Variants in ATP8B4 observed in about 807,000 individuals in gnomAD.
The protein encoded by ATP8B4 is ATPase phospholipid transporting 8B4 (putative).
Under a neutral mutation model 145.6 loss-of-function variants are expected in ATP8B4, and 133 were observed. That is an observed-to-expected ratio of 0.91 (90% CI 0.79 to 1.05). ATP8B4 has a LOEUF of 1.05. Ranked by LOEUF, ATP8B4 falls within the 50% of genes least tolerant of loss-of-function variation. The pLI is 0.00. For synonymous variants in ATP8B4, 507 were observed against 492.9 expected, an observed-to-expected ratio of 1.03 and a Z score of -0.38; for missense variants, 1,458 against 1,425.2, an observed-to-expected ratio of 1.02 and a Z score of -0.37.
At chr15:49,989,395 A>G (rs2046878096) in intron 9 of ATP8B4, among the ~76,000 whole-genome samples, 1 of 151,284 alleles carries the variant, frequency 6.6e-6, no homozygotes, top group South Asian at 2.1e-4. Context: ...CCCAAGACTC[A>G]ATTTCTCAGG....
intron 10 of ATP8B4, among the ~76,000 whole-genome samples, chr15:49,984,783 G>T (rs1439262018): frequency 6.6e-6 from 1 of 151,956 alleles, no homozygotes; most frequent in Non-Finnish European, 1.5e-5. Context: ...GGTAGAAAAA[G>T]GTGAGAGGAA....
At chr15:49,866,538 A>AT (rs2032818341) in intron 25 of ATP8B4, 54 bp from the exon 26 acceptor site, 1 of 1,589,740 alleles carries the variant, frequency 6.3e-7, no homozygotes. Flanking sequence ...AAACAGCATC[A>AT]TTTTACCTCG....
chr15:49,969,646 A>G (rs1303610637), intron 13 of ATP8B4, among the ~76,000 whole-genome samples: 1 of 152,188 alleles, frequency 6.6e-6, no homozygotes, highest in African/African-American at 2.4e-5. Flanking sequence ...CTACCAACAA[A>G]AAAAGCCCAA....
intron 14 of ATP8B4, among the ~76,000 whole-genome samples, chr15:49,954,001 G>A (rs2043331510): frequency 6.6e-6 from 1 of 152,200 alleles, no homozygotes; most frequent in Admixed American, 6.5e-5. Flanking sequence ...GGTCATGCCA[G>A]CCTTCTAGTC....
At chr15:49,888,132 T>C (rs183264215) in intron 23 of ATP8B4, among the ~76,000 whole-genome samples, 363 of 152,326 alleles carry the variant, frequency 2.4e-3, no homozygotes, top group Non-Finnish European at 3.7e-3. Context: ...TATTGATTTG[T>C]GTAATTAGTA....
At chr15:49,877,957 C>T (rs1461475295) in intron 24 of ATP8B4, among the ~76,000 whole-genome samples, 1 of 152,164 alleles carries the variant, frequency 6.6e-6, no homozygotes, top group East Asian at 1.9e-4. Flanking sequence ...AATGACTCTC[C>T]AAGGCTTGGT....
intron 3 of ATP8B4, among the ~76,000 whole-genome samples, chr15:50,061,627 A>G (rs1380151794): frequency 6.6e-6 from 1 of 152,208 alleles, no homozygotes; most frequent in Non-Finnish European, 1.5e-5. Context: ...ATACCCTGGA[A>G]GTACTTTTCA....
At chr15:49,969,479 G>A (rs2044881185) in intron 13 of ATP8B4, among the ~76,000 whole-genome samples, 1 of 152,114 alleles carries the variant, frequency 6.6e-6, no homozygotes, top group South Asian at 2.1e-4. Context: ...ACTACCATGA[G>A]ATAATACTAT....
chr15:49,995,926 C>T (rs1420931935), intron 9 of ATP8B4, among the ~76,000 whole-genome samples: 1 of 152,200 alleles, frequency 6.6e-6, no homozygotes. Context: ...TTTCCTTTGA[C>T]TCTTGAAGTA....
chr15:50,117,359 T>C (rs966268942), intron 1 of ATP8B4, among the ~76,000 whole-genome samples: 3 of 152,188 alleles, frequency 2.0e-5, no homozygotes, highest in African/African-American at 4.8e-5. Context: ...CAAACATACA[T>C]TAAGTTTAAT....
chr15:49,897,814 C>G (rs1346117280), intron 22 of ATP8B4, among the ~76,000 whole-genome samples: 1 of 152,194 alleles, frequency 6.6e-6, no homozygotes, highest in Non-Finnish European at 1.5e-5. Context: ...ACCGTAGCTA[C>G]TTACTTCCTC....
chr15:49,934,211 A>G (rs761196777), intron 14 of ATP8B4, 29 bp from the exon 15 acceptor site: 1 of 1,572,002 alleles, frequency 6.4e-7, no homozygotes, highest in Admixed American at 2.0e-5. Context: ...AACAAAAATA[A>G]CCAAAACCTC....
rs572283586 is a variant in ATP8B4, at chr15:49,938,488, C to T, written c.1288-4306G>A. Among the ~76,000 whole-genome samples, 4 of 152,040 alleles carry T rather than the reference C, an allele frequency of 2.6e-5. No individual in the cohort carries two copies. The East Asian group carries it at 7.7e-4, about 29-fold the overall frequency. On this transcript the variant is annotated intron_variant, in intron 14 of 27. Coordinates refer to ENST00000284509, the MANE Select transcript of ATP8B4 (RefSeq NM_024837.4). ...CTAACAGATGAAACACACTGTAAACCAATAACAGTAAAAAAACAAAGAAGG... is the reference window on the plus strand; with the variant it reads ...CTAACAGATGAAACACACTGTAAACTAATAACAGTAAAAAAACAAAGAAGG...
intron 6 of ATP8B4, among the ~76,000 whole-genome samples, chr15:50,017,441 A>G (rs930493266): frequency 6.6e-6 from 1 of 152,248 alleles, no homozygotes; most frequent in African/African-American, 2.4e-5. Context: ...TTGAAAAATC[A>G]GAGAATTCAC....
chr15:50,162,217 AC>A (rs1008422662), intron 1 of ATP8B4, among the ~76,000 whole-genome samples: 1 of 151,810 alleles, frequency 6.6e-6, no homozygotes, highest in African/African-American at 2.4e-5. Context: ...TTTATCCTTG[AC>A]CTTTGAAGTC....
At chr15:49,864,827 T>C (rs1396995185) in intron 26 of ATP8B4, among the ~76,000 whole-genome samples, 1 of 152,234 alleles carries the variant, frequency 6.6e-6, no homozygotes, top group Non-Finnish European at 1.5e-5. Context: ...GCTTTATATG[T>C]ATTATTTCAT....
intron 1 of ATP8B4, among the ~76,000 whole-genome samples, chr15:50,160,648 G>A (rs548222493): frequency 6.6e-6 from 1 of 151,470 alleles, no homozygotes; most frequent in East Asian, 1.9e-4. Context: ...TCATTCAGGA[G>A]CATATAGTTT....
chr15:49,911,930 A>C (rs1257379970), intron 20 of ATP8B4, among the ~76,000 whole-genome samples: 2 of 152,168 alleles, frequency 1.3e-5, no homozygotes, highest in African/African-American at 2.4e-5. Flanking sequence ...TTCCTGAATG[A>C]ATACTGGGCC....
chr15:49,897,073 A>C, intron 23 of ATP8B4: 2 of 505,336 alleles, frequency 4.0e-6, no homozygotes, highest in Non-Finnish European at 6.9e-6. Context: ...TGACTATCTA[A>C]ATAAGAAAAT....
Sources: gnomAD v4.1 joint callset for allele counts (sites outside exome capture counted in the v4.1 genomes callset) on GRCh38, gnomAD v4.1.1 for gene constraint, MANE v1.5 for transcripts, NCBI Gene and HGNC (gene_info 2026-07-23, HGNC 2026-07-21) for gene names.